Variants in DAB1 observed in about 807,000 individuals in gnomAD.
DAB1 encodes the protein DAB adaptor protein 1, also known as disabled homolog 1.
DAB1 carries 15 observed loss-of-function variants against 64.6 expected under a neutral mutation model. That is an observed-to-expected ratio of 0.23 (90% CI 0.16 to 0.36). DAB1 has a LOEUF of 0.36. DAB1 is among the 10% of genes least tolerant of loss of function. The probability of loss-of-function intolerance (pLI) is 1.00; values close to 1 mark genes in which losing one functional copy is unlikely to be tolerated. For missense variants in DAB1, 596 were observed against 706.7 expected (o/e 0.84, Z 1.78); for synonymous variants, 235 against 251.9 (o/e 0.93, Z 0.64).
At chr1:57,175,886 TA>T (rs1284897485) in intron 2 of DAB1, among the ~76,000 whole-genome samples, 1 of 152,180 alleles carries the variant, frequency 6.6e-6, no homozygotes, top group Non-Finnish European at 1.5e-5. Context: ...ATATTCTGAG[TA>T]GACTGGATTT....
chr1:58,337,695 A>G (rs867229733), intron 4 of DAB1, among the ~76,000 whole-genome samples: 13 of 152,226 alleles, frequency 8.5e-5, no homozygotes, highest in African/African-American at 2.9e-4. Flanking sequence ...GAAACACCTT[A>G]TAAACTGGAA....
chr1:57,489,381 G>A (rs1644134062), intron 7 of DAB1, among the ~76,000 whole-genome samples: 1 of 152,170 alleles, frequency 6.6e-6, no homozygotes, highest in Non-Finnish European at 1.5e-5. Flanking sequence ...GGGTCTACTA[G>A]ATTCTCAAAC....
intron 7 of DAB1, among the ~76,000 whole-genome samples, chr1:57,608,309 T>C (rs767654560): frequency 6.6e-6 from 1 of 152,172 alleles, no homozygotes; most frequent in South Asian, 2.1e-4. Context: ...CCTCCAGCTC[T>C]GACAATCTAT....
chr1:57,107,217 A>G (rs1655245692), intron 4 of DAB1, among the ~76,000 whole-genome samples: 1 of 152,020 alleles, frequency 6.6e-6, no homozygotes, highest in South Asian at 2.1e-4. Flanking sequence ...CCTACTGAAA[A>G]TACAAAAATT....
intron 4 of DAB1, among the ~76,000 whole-genome samples, chr1:58,302,778 G>C (rs1662203540): frequency 6.6e-6 from 1 of 152,070 alleles, no homozygotes. Context: ...AGTGACAAGA[G>C]TAAATAATCA....
intron 4 of DAB1, among the ~76,000 whole-genome samples, chr1:58,168,179 G>C (rs1655966534): frequency 6.6e-6 from 1 of 152,158 alleles, no homozygotes; most frequent in Non-Finnish European, 1.5e-5. Context: ...AGGCTTTCTG[G>C]GAAAGAGCTC....
chr1:57,008,826 A>C (rs991324383), intron 14 of DAB1, among the ~76,000 whole-genome samples: 1 of 152,206 alleles, frequency 6.6e-6, no homozygotes, highest in Admixed American at 6.5e-5. Flanking sequence ...ACCAAGACTC[A>C]AATTTTGGTT....
intron 3 of DAB1, among the ~76,000 whole-genome samples, chr1:58,494,411 G>T (rs1645756287): frequency 6.6e-6 from 1 of 152,060 alleles, no homozygotes. Flanking sequence ...AGCCAAAATT[G>T]ATAAATGGGA....
At chr1:58,226,474 G>C (rs1659491084) in intron 4 of DAB1, among the ~76,000 whole-genome samples, 2 of 151,874 alleles carry the variant, frequency 1.3e-5, no homozygotes, top group Admixed American at 1.3e-4. Context: ...GCTCGAGGTG[G>C]GTGTGTAGGA....
chr1:57,572,372 C>A (rs577477541), intron 7 of DAB1, among the ~76,000 whole-genome samples: 1 of 152,234 alleles, frequency 6.6e-6, no homozygotes, highest in South Asian at 2.1e-4. Context: ...GTGGAGAGGA[C>A]TGAATAATTT....
intron 1 of DAB1, among the ~76,000 whole-genome samples, chr1:57,871,414 T>G (rs529417313): frequency 6.6e-6 from 1 of 152,140 alleles, no homozygotes; most frequent in African/African-American, 2.4e-5. Context: ...AATGGGAAAA[T>G]TGAAGCCCAG....
chr1:58,514,178 G>A (rs1344316869), intron 2 of DAB1, among the ~76,000 whole-genome samples: 1 of 152,066 alleles, frequency 6.6e-6, no homozygotes, highest in Non-Finnish European at 1.5e-5. Flanking sequence ...TTACAAGAAG[G>A]TTCTAGTACA....
In DAB1 at chr1:57,627,508, C is replaced by CT. The variant is rs1645936946; in HGVS notation, n.625+22083dup. 2.0e-5 allele frequency among the ~76,000 whole-genome samples: 3 copies of CT among 152,168 alleles called. No individual in the cohort carries two copies. In the South Asian group the frequency reaches 6.2e-4, roughly 32 times the overall value. On this transcript the variant is annotated intron_variant and non_coding_transcript_variant, in intron 7 of 20. Coordinates refer to the DAB1 transcript ENST00000485760. ...GGTCTTTGCTTATTATCCATTACAA[C>CT]TTTTGTGTACTCATGACATATGAAA...
chr1:57,702,629 C>T (rs1266297283), intron 6 of DAB1, among the ~76,000 whole-genome samples: 1 of 152,134 alleles, frequency 6.6e-6, no homozygotes, highest in Non-Finnish European at 1.5e-5. Context: ...AGGATATATG[C>T]CATGTTTTAG....
At chr1:58,465,326 C>A (rs954382633) in intron 3 of DAB1, among the ~76,000 whole-genome samples, 5 of 152,160 alleles carry the variant, frequency 3.3e-5, no homozygotes, top group African/African-American at 1.2e-4. Flanking sequence ...GAGTGGCTGA[C>A]CCTGGGTTTG....
chr1:57,928,566 T>C (rs1437415203), intron 5 of DAB1, among the ~76,000 whole-genome samples: 4 of 152,248 alleles, frequency 2.6e-5, no homozygotes, highest in Non-Finnish European at 5.9e-5. Context: ...TCATACAAAG[T>C]AGTTTCACTG....
chr1:57,508,425 C>G (rs1306546018), intron 7 of DAB1, among the ~76,000 whole-genome samples: 1 of 152,238 alleles, frequency 6.6e-6, no homozygotes, highest in East Asian at 1.9e-4. Flanking sequence ...GTCACTGCTT[C>G]AAGGAAGCAG....
chr1:57,378,414 C>A (rs973381005), intron 1 of DAB1, among the ~76,000 whole-genome samples: 2 of 152,194 alleles, frequency 1.3e-5, no homozygotes, highest in Non-Finnish European at 2.9e-5. Context: ...AGTTTTAAAT[C>A]CTGAGGAACT....
chr1:57,344,896 A>G (rs1186370543), intron 1 of DAB1, among the ~76,000 whole-genome samples: 3 of 152,172 alleles, frequency 2.0e-5, no homozygotes, highest in Non-Finnish European at 4.4e-5. Flanking sequence ...ATTTCACAGC[A>G]TGCATGGAAT....
Sources: gnomAD v4.1 joint callset for allele counts (sites outside exome capture counted in the v4.1 genomes callset) on GRCh38, gnomAD v4.1.1 for gene constraint, MANE v1.5 for transcripts, NCBI Gene and HGNC (gene_info 2026-07-23, HGNC 2026-07-21) for gene names.